IRGM: variants seen among roughly 807,000 people sequenced by gnomAD.
IRGM encodes the protein immunity-related GTPase family M protein.
For synonymous variants in IRGM, 98 were observed against 80.6 expected (o/e 1.22, Z -1.16); for missense variants, 288 against 219.9 (o/e 1.31, Z -1.96).
At chr5:150,897,205 G>T in intron 3 of IRGM, 2 of 389,834 alleles carry the variant, frequency 5.1e-6, no homozygotes, top group South Asian at 9.4e-5. Flanking sequence ...GAAAAAGTGG[G>T]GTCTCATCAC....
At chr5:150,860,732 C>T (rs1754123950) in intron 1 of IRGM, among the ~76,000 whole-genome samples, 4 of 152,180 alleles carry the variant, frequency 2.6e-5, no homozygotes, top group Admixed American at 2.6e-4. Flanking sequence ...TGCCTTGGGA[C>T]CTCCCAACTT....
chr5:150,894,701 TAGG>T (rs1561753793), intron 3 of IRGM: 1 of 152,292 alleles, frequency 6.6e-6, no homozygotes. Context: ...AATACTCAGC[TAGG>T]AGAAGTATGT....
intron 3 of IRGM, among the ~76,000 whole-genome samples, chr5:150,892,423 TTAGA>T (rs892704679): frequency 3.2e-4 from 49 of 152,232 alleles, no homozygotes; most frequent in Non-Finnish European, 5.3e-4. Context: ...TCCAAATTAT[TTAGA>T]TATTTTGCAA....
intron 3 of IRGM, among the ~76,000 whole-genome samples, chr5:150,883,322 C>A (rs1048743268): frequency 5.3e-5 from 8 of 151,586 alleles, no homozygotes; most frequent in African/African-American, 1.9e-4. Flanking sequence ...CTCAAAAAAA[C>A]AACGTAGTGT....
At chr5:150,856,255 A>C (rs1339406070) in intron 1 of IRGM, among the ~76,000 whole-genome samples, 2 of 151,882 alleles carry the variant, frequency 1.3e-5, no homozygotes, top group Non-Finnish European at 2.9e-5. Flanking sequence ...ACATGGTGAA[A>C]CTCTGTCTCT....
intron 1 of IRGM, among the ~76,000 whole-genome samples, chr5:150,864,219 G>A (rs1204261652): frequency 1.3e-5 from 2 of 152,122 alleles, no homozygotes; most frequent in Non-Finnish European, 2.9e-5. Flanking sequence ...TTCTGCTCTG[G>A]CCAGCCAGAC....
chr5:150,880,226 A>C (rs537850419), intron 3 of IRGM, among the ~76,000 whole-genome samples: 59 of 152,312 alleles, frequency 3.9e-4, no homozygotes, highest in Non-Finnish European at 7.9e-4. Context: ...TGAAAATGCC[A>C]CATTGTTTTC....
chr5:150,852,355 G>T (rs557295481), downstream of IRGM, among the ~76,000 whole-genome samples: 1 of 152,134 alleles, frequency 6.6e-6, no homozygotes, highest in Admixed American at 6.5e-5. Flanking sequence ...TGCTACATTT[G>T]ATTCCTTAGA....
At chr5:150,853,538 C>A (rs959493079), downstream of IRGM, among the ~76,000 whole-genome samples, 1 of 152,070 alleles carries the variant, frequency 6.6e-6, no homozygotes, top group Non-Finnish European at 1.5e-5. Context: ...TCTATTTGTT[C>A]TCTCCAATTT....
At chr5:150,901,664 C>T (rs1754999906), downstream of IRGM, among the ~76,000 whole-genome samples, 1 of 152,052 alleles carries the variant, frequency 6.6e-6, no homozygotes, top group South Asian at 2.1e-4. Flanking sequence ...ACAGCTGACA[C>T]TTAAATATAT....
downstream of IRGM, among the ~76,000 whole-genome samples, chr5:150,850,927 G>A (rs1753966276): frequency 6.6e-6 from 1 of 152,144 alleles, no homozygotes; most frequent in Non-Finnish European, 1.5e-5. Context: ...TACTCAGCTG[G>A]CACACATTAG....
chr5:150,883,725 T>C (rs1399991655), intron 3 of IRGM, among the ~76,000 whole-genome samples: 1 of 151,352 alleles, frequency 6.6e-6, no homozygotes, highest in African/African-American at 2.4e-5. Context: ...CAATAATAAG[T>C]AAGGTGATGA....
intron 2 of IRGM, among the ~76,000 whole-genome samples, chr5:150,878,896 G>T (rs1483529599): frequency 6.6e-6 from 1 of 152,002 alleles, no homozygotes; most frequent in Non-Finnish European, 1.5e-5. Context: ...GGTTTCCAGG[G>T]CTCTAAGGAA....
At chr5:150,868,703 T>A (rs1754240188) in intron 1 of IRGM, among the ~76,000 whole-genome samples, 1 of 152,118 alleles carries the variant, frequency 6.6e-6, no homozygotes, top group South Asian at 2.1e-4. Context: ...TGGTTAGGTA[T>A]ATTCCTAAGT....
intron 1 of IRGM, among the ~76,000 whole-genome samples, chr5:150,863,064 A>G (rs1665777040): frequency 6.6e-6 from 1 of 152,230 alleles, no homozygotes; most frequent in African/African-American, 2.4e-5. Context: ...CATGGAATGG[A>G]ATGATAATAA....
At chr5:150,856,468 A>G (rs1410015862) in intron 1 of IRGM, among the ~76,000 whole-genome samples, 2 of 152,052 alleles carry the variant, frequency 1.3e-5, no homozygotes, top group African/African-American at 4.8e-5. Context: ...AAAATAAAAT[A>G]AAATGTATCA....
intron 3 of IRGM, among the ~76,000 whole-genome samples, chr5:150,885,852 A>G (rs559117708): frequency 1.1e-3 from 165 of 152,222 alleles, no homozygotes; most frequent in African/African-American, 3.9e-3. Flanking sequence ...GAACCGTGCT[A>G]TCTGCAAACA....
chr5:150,896,243 T>C (rs371710157), intron 3 of IRGM: 17 of 1,613,534 alleles, frequency 1.1e-5, no homozygotes, highest in East Asian at 4.5e-5. Context: ...GAGAGAAGGC[T>C]TTTCCACATT....
intron 3 of IRGM, among the ~76,000 whole-genome samples, chr5:150,883,789 A>T (rs563920309): frequency 2.0e-5 from 3 of 152,082 alleles, no homozygotes; most frequent in Non-Finnish European, 4.4e-5. Context: ...TGATGGCTTC[A>T]TTACTAAATT....
Sources: allele counts gnomAD v4.1 joint callset (sites outside exome capture counted in the v4.1 genomes callset), GRCh38; gene constraint gnomAD v4.1.1; transcripts MANE v1.5; gene names NCBI Gene and HGNC (gene_info 2026-07-23, HGNC 2026-07-21).